Variants in DPP10 observed in about 807,000 individuals in gnomAD.
DPP10 encodes inactive dipeptidyl peptidase 10.
In DPP10, 33 loss-of-function variants were observed where a neutral mutation model predicts 120.9. The ratio of observed to expected loss-of-function variants is 0.27; its 90% CI spans 0.21 to 0.37. The LOEUF is 0.37. Among genes scored for constraint, DPP10 ranks in the 10% least tolerant of loss-of-function variants. The pLI is 1.00. For synonymous variants in DPP10, 337 were observed against 326.1 expected (o/e 1.03, Z -0.36); for missense variants, 816 against 942.8 (o/e 0.87, Z 1.76).
chr2:114,983,266 T>A (rs1054785232), intron 1 of DPP10, among the ~76,000 whole-genome samples: 1 of 152,186 alleles, frequency 6.6e-6, no homozygotes, highest in Admixed American at 6.5e-5. Flanking sequence ...TTACATTTGT[T>A]GAAAAGTTTG....
At chr2:115,027,941 G>C (rs1056700602) in intron 1 of DPP10, among the ~76,000 whole-genome samples, 6 of 151,916 alleles carry the variant, frequency 3.9e-5, no homozygotes, top group African/African-American at 1.4e-4. Flanking sequence ...TATTTCTGTA[G>C]TTAGTTGTTA....
intron 1 of DPP10, among the ~76,000 whole-genome samples, chr2:114,489,266 T>C (rs1323825992): frequency 6.6e-6 from 1 of 152,072 alleles, no homozygotes; most frequent in Non-Finnish European, 1.5e-5. Context: ...CAACTAATAT[T>C]AAACACAGAG....
intron 1 of DPP10, among the ~76,000 whole-genome samples, chr2:114,606,850 A>G (rs76017410): frequency 0.011 from 1,623 of 152,306 alleles, 43 homozygotes; most frequent in African/African-American, 0.037. Flanking sequence ...GTTACTGGGT[A>G]TTTGAGACTT....
chr2:114,970,866 G>C (rs1699346212), intron 1 of DPP10, among the ~76,000 whole-genome samples: 1 of 152,134 alleles, frequency 6.6e-6, no homozygotes, highest in Non-Finnish European at 1.5e-5. Flanking sequence ...ACACAAGGTA[G>C]AGAGCACATG....
chr2:115,593,741 C>T (rs2082821258), intron 5 of DPP10, among the ~76,000 whole-genome samples: 1 of 152,130 alleles, frequency 6.6e-6, no homozygotes, highest in Non-Finnish European at 1.5e-5. Flanking sequence ...TCTATTCCCC[C>T]ATTTTTTACC....
intron 1 of DPP10, among the ~76,000 whole-genome samples, chr2:114,590,433 A>G (rs1034333281): frequency 3.3e-5 from 5 of 152,212 alleles, no homozygotes; most frequent in African/African-American, 1.2e-4. Flanking sequence ...TAATTTCTAA[A>G]TACTGCAAAG....
intron 1 of DPP10, among the ~76,000 whole-genome samples, chr2:114,777,660 T>A (rs1212339426): frequency 1.3e-5 from 2 of 152,052 alleles, no homozygotes; most frequent in Non-Finnish European, 2.9e-5. Flanking sequence ...TAAAGTAGTA[T>A]TTAAATCCTC....
chr2:114,873,233 A>G (rs936054641), intron 1 of DPP10, among the ~76,000 whole-genome samples: 9 of 152,278 alleles, frequency 5.9e-5, no homozygotes, highest in Middle Eastern at 3.4e-3. Flanking sequence ...GAGAGGCTGC[A>G]GGTCAAAAGG....
chr2:114,922,862 C>T (rs1032848124), intron 1 of DPP10, among the ~76,000 whole-genome samples: 12 of 152,094 alleles, frequency 7.9e-5, no homozygotes, highest in African/African-American at 2.7e-4. Context: ...CATTTATGTA[C>T]AAGTTTTAGA....
chr2:115,837,903 T>G (rs958121331), intron 24 of DPP10, among the ~76,000 whole-genome samples: 1 of 149,904 alleles, frequency 6.7e-6, no homozygotes, highest in African/African-American at 2.4e-5. Context: ...ACATGATGTC[T>G]AAATATAATG....
At chr2:114,494,727 A>G (rs1239573517) in intron 1 of DPP10, among the ~76,000 whole-genome samples, 3 of 152,120 alleles carry the variant, frequency 2.0e-5, no homozygotes, top group Non-Finnish European at 4.4e-5. Context: ...GCACATTCTG[A>G]TTGAGTATAC....
intron 1 of DPP10, among the ~76,000 whole-genome samples, chr2:114,873,043 G>T (rs914820943): frequency 1.3e-5 from 2 of 152,112 alleles, no homozygotes; most frequent in Non-Finnish European, 2.9e-5. Flanking sequence ...TTTTTCAAAA[G>T]AAATAAACAT....
At chr2:115,007,499 C>A (rs1170286243) in intron 1 of DPP10, among the ~76,000 whole-genome samples, 1 of 151,458 alleles carries the variant, frequency 6.6e-6, no homozygotes, top group Non-Finnish European at 1.5e-5. Flanking sequence ...TGGAAGCATT[C>A]CCTTTGAAAA....
intron 5 of DPP10, among the ~76,000 whole-genome samples, chr2:115,561,415 T>A (rs1460510426): frequency 1.4e-5 from 2 of 147,690 alleles, no homozygotes; most frequent in Non-Finnish European, 3.0e-5. Context: ...ACTGACCCAT[T>A]GCGGTGTTAT....
chr2:115,124,047 A>G (rs1021114273), intron 1 of DPP10, among the ~76,000 whole-genome samples: 1 of 151,548 alleles, frequency 6.6e-6, no homozygotes, highest in Non-Finnish European at 1.5e-5. Flanking sequence ...CCCAGGCTCA[A>G]TCTTCCAACT....
chr2:115,477,663 T>C (rs2075172765), intron 3 of DPP10, among the ~76,000 whole-genome samples: 1 of 152,144 alleles, frequency 6.6e-6, no homozygotes. Flanking sequence ...AAAACTTATA[T>C]GGAATCTTAA....
At chr2:115,676,949 C>T (rs2090313710) in intron 5 of DPP10, among the ~76,000 whole-genome samples, 1 of 152,012 alleles carries the variant, frequency 6.6e-6, no homozygotes, top group Non-Finnish European at 1.5e-5. Context: ...CATCAAGACA[C>T]CTATGAGGAA....
At chr2:114,915,577 C>T (rs557288633) in intron 1 of DPP10, among the ~76,000 whole-genome samples, 1 of 152,106 alleles carries the variant, frequency 6.6e-6, no homozygotes, top group African/African-American at 2.4e-5. Flanking sequence ...AATCTAAAAT[C>T]AATCATATGC....
intron 1 of DPP10, among the ~76,000 whole-genome samples, chr2:114,642,427 C>T (rs1695779129): frequency 6.6e-6 from 1 of 151,884 alleles, no homozygotes; most frequent in South Asian, 2.1e-4. Flanking sequence ...AGTGCACTAC[C>T]CCCAATGAGT....
Sources: gnomAD v4.1 joint callset for allele counts (sites outside exome capture counted in the v4.1 genomes callset) on GRCh38, gnomAD v4.1.1 for gene constraint, MANE v1.5 for transcripts, NCBI Gene and HGNC (gene_info 2026-07-23, HGNC 2026-07-21) for gene names.